The following KANTR variants were observed in gnomAD, a reference collection of about 807,000 sequenced individuals.
The protein encoded by KANTR is KANTR integral membrane protein, also known as KDM5C adjacent transcript.
chrX:53,116,887 T>C (rs1556814655), intron 2 of KANTR, among the ~76,000 whole-genome samples: 1 of 111,975 alleles, frequency 8.9e-6, no homozygotes, highest in African/African-American at 3.2e-5. Flanking sequence ...ATGACTTCAT[T>C]TCTCAATTCC....
intron 2 of KANTR, among the ~76,000 whole-genome samples, chrX:53,111,051 T>C (rs1396609825): frequency 1.8e-5 from 2 of 109,493 alleles, no homozygotes; most frequent in African/African-American, 6.6e-5. Flanking sequence ...AGTCTTGCTC[T>C]GTCACCTAGG....
At chrX:53,131,545 C>T (rs1933361055), downstream of KANTR, among the ~76,000 whole-genome samples, 1 of 111,836 alleles carries the variant, frequency 8.9e-6, no homozygotes, top group Non-Finnish European at 1.9e-5. Context: ...GCAGAAAAAG[C>T]ATTTGACAAC....
At chrX:53,101,377 G>A (rs1172701546) in intron 2 of KANTR, among the ~76,000 whole-genome samples, 1 of 111,508 alleles carries the variant, frequency 9.0e-6, no homozygotes, top group Admixed American at 9.6e-5. Context: ...AGGCTGAGGC[G>A]GGAGGACTGT....
chrX:53,137,712 T>A (rs1933443920), intron 2 of KANTR, among the ~76,000 whole-genome samples: 1 of 108,248 alleles, frequency 9.2e-6, no homozygotes, highest in African/African-American at 3.4e-5. Flanking sequence ...GAGGTTGCGG[T>A]GAGCTGAGAT....
At chrX:53,124,936 T>C (rs1382742426) in exon 3 of KANTR, 2 of 112,122 alleles carry the variant, frequency 1.8e-5, no homozygotes, top group Non-Finnish European at 3.8e-5. Flanking sequence ...TTATCAAGTT[T>C]GTGAACTATT....
exon 3 of KANTR, chrX:53,124,852 G>T (rs2146746554): frequency 8.1e-6 from 1 of 123,082 alleles, no homozygotes. Flanking sequence ...CAATATTTTT[G>T]AATGCTTCCT....
At chrX:53,097,349 A>AATTTTT (rs1569232446) in intron 1 of KANTR, among the ~76,000 whole-genome samples, 1 of 42,527 alleles carries the variant, frequency 2.4e-5, no homozygotes. Context: ...ATTTGTTTTA[A>AATTTTT]GTTTTTTTTT....
chrX:53,120,734 A>G (rs1001976064), intron 2 of KANTR, among the ~76,000 whole-genome samples: 9 of 110,070 alleles, frequency 8.2e-5, no homozygotes, highest in Non-Finnish European at 1.5e-4. Context: ...TTATTTATTT[A>G]TTTTTGAGTT....
chrX:53,107,301 G>GTT (rs1932966201), intron 2 of KANTR, among the ~76,000 whole-genome samples: 1 of 27,190 alleles, frequency 3.7e-5, no homozygotes, highest in African/African-American at 8.9e-5. Flanking sequence ...GATCCTCTTT[G>GTT]CTTTTTTTTT....
intron 2 of KANTR, among the ~76,000 whole-genome samples, chrX:53,101,751 A>C (rs1245674774): frequency 2.7e-5 from 3 of 112,156 alleles, no homozygotes; most frequent in African/African-American, 9.7e-5. Context: ...TAATCCCAGC[A>C]CTTTGGGAGG....
intron 2 of KANTR, among the ~76,000 whole-genome samples, chrX:53,107,065 C>T (rs781994592): frequency 2.7e-5 from 3 of 110,841 alleles, no homozygotes; most frequent in Non-Finnish European, 5.6e-5. Flanking sequence ...GTCTTAATTA[C>T]TGTAGTTGTA....
chrX:53,122,901 T>C (rs1468763861), intron 2 of KANTR, among the ~76,000 whole-genome samples: 2 of 111,356 alleles, frequency 1.8e-5, no homozygotes, highest in African/African-American at 6.5e-5. Flanking sequence ...GCTGTTCTTA[T>C]TGGCTTTTGG....
exon 3 of KANTR, chrX:53,141,896 G>A: frequency 2.0e-6 from 1 of 494,588 alleles, no homozygotes; most frequent in Non-Finnish European, 2.7e-6. Context: ...AGCCCACGGT[G>A]TTCTGGCAGG....
intron 1 of KANTR, among the ~76,000 whole-genome samples, 181 bp from the exon 2 acceptor site, chrX:53,099,291 T>C (rs1301002677): frequency 9.0e-6 from 1 of 111,012 alleles, no homozygotes; most frequent in Non-Finnish European, 1.9e-5. Flanking sequence ...GAGAATCCCT[T>C]GAACCTGGGA....
chrX:53,122,852 A>G (rs1933244680), intron 2 of KANTR, among the ~76,000 whole-genome samples: 1 of 111,541 alleles, frequency 9.0e-6, no homozygotes, highest in South Asian at 3.7e-4. Context: ...GAATTTTGCA[A>G]CTGTGTCCAT....
At chrX:53,100,747 G>A (rs781794294) in intron 2 of KANTR, among the ~76,000 whole-genome samples, 4 of 111,603 alleles carry the variant, frequency 3.6e-5, no homozygotes, top group Non-Finnish European at 1.9e-5. Context: ...GCAGTGAGCC[G>A]AGATCGCACC....
intron 2 of KANTR, among the ~76,000 whole-genome samples, chrX:53,111,320 C>T (rs1172293742): frequency 4.5e-5 from 5 of 110,964 alleles, no homozygotes; most frequent in Non-Finnish European, 7.5e-5. Flanking sequence ...CCACACCCAG[C>T]CTAAAACATC....
At chrX:53,095,568 A>G (rs1490712256) in intron 1 of KANTR, among the ~76,000 whole-genome samples, 3 of 110,788 alleles carry the variant, frequency 2.7e-5, no homozygotes, top group Non-Finnish European at 3.8e-5. Context: ...TAATTGTAAT[A>G]TAGAGAGTAG....
chrX:53,125,156 C>T (rs1174059472), exon 3 of KANTR: 1 of 111,624 alleles, frequency 9.0e-6, no homozygotes, highest in Non-Finnish European at 1.9e-5. Context: ...TAATGACCCT[C>T]TCTATTCCTG....
Sources: allele counts gnomAD v4.1 joint callset (sites outside exome capture counted in the v4.1 genomes callset), GRCh38; gene constraint gnomAD v4.1.1; transcripts MANE v1.5; gene names NCBI Gene and HGNC (gene_info 2026-07-23, HGNC 2026-07-21).